Variants in IL1RAPL1 observed in about 807,000 individuals in gnomAD.
IL1RAPL1 encodes the protein interleukin 1 receptor accessory protein like 1.
A neutral mutation model predicts 48.4 loss-of-function variants in IL1RAPL1; 3 were observed. The ratio of observed to expected loss-of-function variants is 0.06; its 90% CI spans 0.03 to 0.16. The LOEUF (loss-of-function observed/expected upper bound fraction) is 0.16. Ranked by LOEUF, IL1RAPL1 falls within the 10% of genes least tolerant of loss-of-function variation. The pLI is 1.00. For synonymous variants in IL1RAPL1, 185 were observed against 187.7 expected (o/e 0.99, Z 0.12); for missense variants, 349 against 530.6 (o/e 0.66, Z 3.36).
intron 6 of IL1RAPL1, among the ~76,000 whole-genome samples, chrX:29,854,576 A>G (rs1168446690): frequency 2.7e-5 from 3 of 111,632 alleles, no homozygotes; most frequent in Non-Finnish European, 5.6e-5. Flanking sequence ...TCAGATGGCT[A>G]CATTTGAATC....
intron 2 of IL1RAPL1, among the ~76,000 whole-genome samples, chrX:29,034,977 C>T (rs1466528119): frequency 9.0e-6 from 1 of 110,646 alleles, no homozygotes; most frequent in African/African-American, 3.3e-5. Context: ...GCTTCAGCCC[C>T]CTGAGTAGCT....
intron 1 of IL1RAPL1, among the ~76,000 whole-genome samples, chrX:28,746,289 C>A (rs1386501308): frequency 9.0e-6 from 1 of 111,353 alleles, no homozygotes; most frequent in East Asian, 2.8e-4. Flanking sequence ...TAAAGCACTC[C>A]CTGAGGCTTT....
chrX:29,418,333 G>A (rs5973766), intron 5 of IL1RAPL1, among the ~76,000 whole-genome samples: 38,464 of 105,343 alleles, frequency 0.37, 6,268 homozygotes, highest in Middle Eastern at 0.53. Flanking sequence ...TCACCATGTT[G>A]GTCAGGCTGG....
At chrX:28,869,881 A>G (rs1251683459) in intron 2 of IL1RAPL1, among the ~76,000 whole-genome samples, 3 of 111,669 alleles carry the variant, frequency 2.7e-5, no homozygotes, top group Non-Finnish European at 5.7e-5. Flanking sequence ...TGTATCCACT[A>G]TACCTAGGCA....
At position 29,683,335 on chromosome X, in the gene IL1RAPL1, C is replaced by A. The variant is rs142814596; in HGVS notation, c.778+14831C>A. 5.2e-4 allele frequency among the ~76,000 whole-genome samples: 58 copies of A among 111,938 alleles called. No individual in the cohort carries two copies. In the East Asian group the frequency reaches 5.4e-3, roughly 10 times the overall value. On this transcript the variant is annotated intron_variant, in intron 6 of 10. Coordinates refer to ENST00000378993, the MANE Select transcript of IL1RAPL1 (RefSeq NM_014271.4). ...TGGATGTTCCTTGTTCCCCAAGACGCCAAGACTTCCTGTCTTTCCTCACAG... is the reference window on the plus strand; with the variant it reads ...TGGATGTTCCTTGTTCCCCAAGACGACAAGACTTCCTGTCTTTCCTCACAG...
intron 6 of IL1RAPL1, among the ~76,000 whole-genome samples, chrX:29,695,102 T>C (rs566791472): frequency 1.8e-5 from 2 of 112,210 alleles, no homozygotes; most frequent in South Asian, 7.3e-4. Flanking sequence ...AAATTTCACC[T>C]TTAGGTCTAA....
Position 29,350,191 on chromosome X carries a change from TTATATATATATA to T in IL1RAPL1, c.363-46045_363-46034del, listed in dbSNP as rs397897010. 8.1e-4 allele frequency among the ~76,000 whole-genome samples: 32 copies of T among 39,423 alleles called. 3 individuals carry two copies. Among genetic ancestry groups the T allele is most frequent in the East Asian group, 8.0e-3 (9 of 1,120 alleles). The allele number at this position is 39,423 out of a possible 115,157, so 34.2% of individuals were successfully genotyped here. Reference sequence around the variant, plus strand: ...CTCCCTTGGTCTACATACTGTTATTTTATATATATATATATATATATATATATATATATGCTA... The same window carrying T: ...CTCCCTTGGTCTACATACTGTTATTTTATATATATATATATATATATGCTA... On this transcript the variant is annotated intron_variant, in intron 3 of 10. Transcript: ENST00000378993.
At chrX:29,358,740 C>T (rs1450485686) in intron 3 of IL1RAPL1, among the ~76,000 whole-genome samples, 1 of 110,563 alleles carries the variant, frequency 9.0e-6, no homozygotes, top group Admixed American at 9.7e-5. Flanking sequence ...TACATCAGGC[C>T]GGGCACGGTG....
chrX:28,878,495 AAG>A (rs1922429193), intron 2 of IL1RAPL1, among the ~76,000 whole-genome samples: 1 of 112,181 alleles, frequency 8.9e-6, no homozygotes, highest in Non-Finnish European at 1.9e-5. Context: ...ACCTGAAGGA[AAG>A]AGAGAAGCTT....
intron 5 of IL1RAPL1, among the ~76,000 whole-genome samples, chrX:29,489,519 A>G (rs1935133660): frequency 1.8e-5 from 2 of 112,310 alleles, no homozygotes; most frequent in South Asian, 7.4e-4. Flanking sequence ...TTCATCTTTA[A>G]TGATTTTACA....
intron 6 of IL1RAPL1, among the ~76,000 whole-genome samples, chrX:29,754,476 T>C (rs150286452): frequency 0.14 from 15,790 of 111,405 alleles, 1,223 homozygotes; most frequent in African/African-American, 0.29. Context: ...CAAAAGACTC[T>C]CTGCCTGAAT....
At chrX:29,821,151 T>C (rs1424151461) in intron 6 of IL1RAPL1, among the ~76,000 whole-genome samples, 1 of 111,993 alleles carries the variant, frequency 8.9e-6, no homozygotes, top group Non-Finnish European at 1.9e-5. Context: ...TATTGCCCAT[T>C]AGTAATTGAT....
At chrX:29,571,224 A>AAATAAT (rs35767422) in intron 5 of IL1RAPL1, among the ~76,000 whole-genome samples, 7 of 109,578 alleles carry the variant, frequency 6.4e-5, no homozygotes, top group East Asian at 2.9e-4. Flanking sequence ...CTCCGTCTCA[A>AAATAAT]AATAATAATA....
chrX:28,678,464 A>G (rs1935024086), intron 1 of IL1RAPL1, among the ~76,000 whole-genome samples: 1 of 111,815 alleles, frequency 8.9e-6, no homozygotes, highest in South Asian at 3.7e-4. Context: ...ACAGAGTTTC[A>G]AAGTATGTTT....
At chrX:29,683,677 C>T (rs1233413184) in intron 6 of IL1RAPL1, among the ~76,000 whole-genome samples, 3 of 112,120 alleles carry the variant, frequency 2.7e-5, no homozygotes, top group Non-Finnish European at 5.6e-5. Flanking sequence ...ACATGCAATA[C>T]TCCCTTAAAT....
At chrX:29,597,912 CCTT>C (rs1254905783) in intron 5 of IL1RAPL1, among the ~76,000 whole-genome samples, 1 of 112,070 alleles carries the variant, frequency 8.9e-6, no homozygotes, top group Non-Finnish European at 1.9e-5. Context: ...TTTGCATCTT[CCTT>C]CTTCTTTTCG....
intron 2 of IL1RAPL1, among the ~76,000 whole-genome samples, chrX:28,945,925 GTA>G (rs1241234546): frequency 9.4e-6 from 1 of 106,709 alleles, no homozygotes; most frequent in Non-Finnish European, 1.9e-5. Context: ...GTGTGTGTGT[GTA>G]TACACTCAAT....
At chrX:28,836,953 C>T (rs1418399902) in intron 2 of IL1RAPL1, among the ~76,000 whole-genome samples, 1 of 109,021 alleles carries the variant, frequency 9.2e-6, no homozygotes, top group East Asian at 2.9e-4. Context: ...CCAATTTTGC[C>T]TGTGGTTGGC....
At chrX:28,721,104 A>T (rs764969097) in intron 1 of IL1RAPL1, among the ~76,000 whole-genome samples, 23 of 112,027 alleles carry the variant, frequency 2.1e-4, no homozygotes, top group Middle Eastern at 4.6e-3. Flanking sequence ...CTTTGGGTAT[A>T]TACCCAGTAA....
Sources: gnomAD v4.1 joint callset for allele counts (sites outside exome capture counted in the v4.1 genomes callset) on GRCh38, gnomAD v4.1.1 for gene constraint, MANE v1.5 for transcripts, NCBI Gene and HGNC (gene_info 2026-07-23, HGNC 2026-07-21) for gene names.